Variants in TET2 observed in about 807,000 individuals in gnomAD.
The protein encoded by TET2 is tet methylcytosine dioxygenase 2.
A neutral mutation model predicts 142.9 loss-of-function variants in TET2; 299 were observed. The observed-to-expected ratio is 2.09, with a 90% CI of 1.90 to 2.30. The LOEUF (loss-of-function observed/expected upper bound fraction) is 2.30, where lower values mean the gene tolerates loss of function less well. Ranked by LOEUF, TET2 falls within the 30% of genes most tolerant of loss-of-function variation. The pLI is 0.00. For missense variants in TET2, 2,418 were observed against 2,378.0 expected, an observed-to-expected ratio of 1.02 and a Z score of -0.35; for synonymous variants, 819 against 849.0, an observed-to-expected ratio of 0.96 and a Z score of 0.61.
At chr4:105,254,839 CT>C (rs1730044156) in intron 6 of TET2, among the ~76,000 whole-genome samples, 1 of 152,166 alleles carries the variant, frequency 6.6e-6, no homozygotes, top group African/African-American at 2.4e-5. Flanking sequence ...CATCTGGCTC[CT>C]GAATGTAGAA....
chr4:105,225,059 TA>T lies in TET2; in HGVS notation c.-46-8831del, dbSNP rs1728100452. 3.9e-5 allele frequency among the ~76,000 whole-genome samples: 6 copies of T among 152,198 alleles called. No homozygotes were observed. In the South Asian group the frequency reaches 1.2e-3, roughly 32 times the overall value. On this transcript the variant is annotated intron_variant, in intron 2 of 10. Transcript: ENST00000380013. ...ATTTCTAAAACTGCCTTTTTAGACT[TA>T]AAAAAATACCAAAGTTCTTATAACT...
chr4:105,233,851 T>A (rs867181996), intron 2 of TET2, 46 bp from the exon 3 acceptor site: 2 of 767,298 alleles, frequency 2.6e-6, no homozygotes, highest in Non-Finnish European at 4.1e-6. Flanking sequence ...GATAGATAGA[T>A]AGATAGAAAT....
At chr4:105,169,521 C>T (rs1197579966) in intron 1 of TET2, among the ~76,000 whole-genome samples, 1 of 152,158 alleles carries the variant, frequency 6.6e-6, no homozygotes, top group South Asian at 2.1e-4. Context: ...TTCTCCCACT[C>T]TGTGGGTTGT....
intron 2 of TET2, among the ~76,000 whole-genome samples, chr4:105,199,200 T>A (rs1412525615): frequency 6.6e-6 from 1 of 152,206 alleles, no homozygotes; most frequent in Non-Finnish European, 1.5e-5. Context: ...TAAAGTTTGG[T>A]GTTTGGTATC....
intron 2 of TET2, among the ~76,000 whole-genome samples, chr4:105,220,300 A>G (rs963849970): frequency 2.5e-4 from 38 of 152,088 alleles, no homozygotes; most frequent in African/African-American, 8.5e-4. Context: ...TGCCCCTCAT[A>G]TATACTATTA....
chr4:105,159,409 C>T (rs993164715), intron 1 of TET2, among the ~76,000 whole-genome samples: 7 of 152,034 alleles, frequency 4.6e-5, no homozygotes, highest in African/African-American at 1.7e-4. Context: ...GCATGCGCCA[C>T]CACGCCCGGC....
intron 1 of TET2, among the ~76,000 whole-genome samples, chr4:105,177,138 C>T (rs778805017): frequency 1.3e-5 from 2 of 152,144 alleles, no homozygotes; most frequent in Non-Finnish European, 2.9e-5. Context: ...TAACTTGAAT[C>T]ATAGACCTAA....
rs75813247 is a variant in TET2, at chr4:105,153,002, T to A, written c.-193+6023T>A. 1.0e-3 allele frequency among the ~76,000 whole-genome samples: 158 copies of A among 152,342 alleles called. 1 individual carries two copies. Among genetic ancestry groups the A allele is most frequent in the African/African-American group, 3.4e-3 (142 of 41,574 alleles). On this transcript the variant is annotated intron_variant, in intron 1 of 10. Transcript: ENST00000380013. The stretch of plus-strand genomic sequence containing the variant: ...TTCCTTACATTTAATTTCTACAGGC[T>A]ATGGCAATTGCCCTATAAAAGCCAC...
intron 2 of TET2, among the ~76,000 whole-genome samples, chr4:105,204,684 T>A (rs1159739221): frequency 6.6e-6 from 1 of 152,194 alleles, no homozygotes; most frequent in Non-Finnish European, 1.5e-5. Context: ...TGTCTCCTCT[T>A]GAGATGACTT....
intron 1 of TET2, among the ~76,000 whole-genome samples, chr4:105,159,341 C>T (rs1231007577): frequency 2.6e-5 from 4 of 151,252 alleles, no homozygotes; most frequent in Admixed American, 6.6e-5. Context: ...CTGCAACCTC[C>T]GCCTCACCGG....
In TET2 at chr4:105,275,920, C is replaced by G. The variant is rs370069183; in HGVS notation, c.5410C>G (p.Leu1804Val). 1.9e-6 allele frequency: 3 copies of G among 1,552,034 alleles called. No individual in the cohort carries two copies. The highest frequency in any genetic ancestry group is 2.6e-6 in the Non-Finnish European group (3 of 1,147,046). The stretch of plus-strand genomic sequence containing the variant: ...TGGGTTATCAAAGATGCTTCCAGCT[C>G]TTAACCATGATAGAACTGCTTGTGT... ...ANGLSKMLPA[L>V]NHDRTACVQG... Residue 1804 changes from leucine (L) to valine (V), a missense_variant, in exon 11 of 11, where the codon CTT (leucine) becomes GTT (valine). Transcript: ENST00000380013.
At chr4:105,168,152 A>G (rs1289198695) in intron 1 of TET2, among the ~76,000 whole-genome samples, 2 of 152,184 alleles carry the variant, frequency 1.3e-5, no homozygotes, top group African/African-American at 4.8e-5. Flanking sequence ...TTACCCAAAC[A>G]AAAATTCAAG....
intron 2 of TET2, among the ~76,000 whole-genome samples, chr4:105,197,297 T>A (rs1247301572): frequency 6.6e-6 from 1 of 152,204 alleles, no homozygotes; most frequent in African/African-American, 2.4e-5. Context: ...TGAATGATAT[T>A]TGATGTCTAT....
intron 6 of TET2, among the ~76,000 whole-genome samples, chr4:105,247,252 C>T (rs968223255): frequency 6.6e-6 from 1 of 152,148 alleles, no homozygotes; most frequent in Non-Finnish European, 1.5e-5. Flanking sequence ...TACCTGTTAA[C>T]ATTTCAGGAT....
intron 10 of TET2, among the ~76,000 whole-genome samples, chr4:105,274,762 G>A (rs1257711402): frequency 6.6e-6 from 1 of 152,140 alleles, no homozygotes; most frequent in East Asian, 1.9e-4. Context: ...GGCACTTCAA[G>A]CAGAGGCATG....
chr4:105,263,961 A>T (rs925771415), intron 8 of TET2, among the ~76,000 whole-genome samples: 1 of 152,210 alleles, frequency 6.6e-6, no homozygotes, highest in African/African-American at 2.4e-5. Flanking sequence ...GGGCTCTGGG[A>T]TGGGTGCTCT....
In TET2 at chr4:105,234,909, C is replaced by T. The variant is rs1244473694; in HGVS notation, c.967C>T (p.Gln323Ter). The change falls in exon 3 of 11, where the codon CAA (glutamine) becomes TAA (stop). Residue 323 changes from glutamine (Q) to a stop codon, truncating the protein, a stop_gained. Coordinates refer to ENST00000380013, the MANE Select transcript of TET2 (RefSeq NM_001127208.3). LOFTEE classifies it high-confidence loss of function. Reference sequence around the variant, plus strand: ...TTCCTTTCAGAAACCAGAACAACTACAACAACAAAAATCAGTTTTTGAGAT... The same window carrying T: ...TTCCTTTCAGAAACCAGAACAACTATAACAACAAAAATCAGTTTTTGAGAT... ...TCSFQKPEQL[Q>*]QQKSVFEICP... 1 of 1,614,070 alleles carries T rather than the reference C, an allele frequency of 6.2e-7. No individual in the cohort carries two copies. The highest frequency in any genetic ancestry group is 8.5e-7 in the Non-Finnish European group (1 of 1,179,982).
At chr4:105,180,098 C>T (rs1198798238) in intron 1 of TET2, among the ~76,000 whole-genome samples, 2 of 152,140 alleles carry the variant, frequency 1.3e-5, no homozygotes, top group African/African-American at 4.8e-5. Flanking sequence ...ATGACACTTT[C>T]ACATCTTCAA....
chr4:105,275,692 G>T lies in TET2; in HGVS notation c.5182G>T (p.Glu1728Ter). The T allele has an allele frequency of 6.4e-7, 1 of 1,551,840 alleles. No homozygotes were observed. The highest frequency in any genetic ancestry group is 8.7e-7 in the Non-Finnish European group (1 of 1,147,006). ...GAAATTGCCTCCTTATCCCACTCAT[G>T]AGATGGATGGCCACTTCATGGGAGC... is the stretch of plus-strand genomic sequence containing the variant. ...VGKLPPYPTH[E>*]MDGHFMGATS... Residue 1728 changes from glutamate to a stop codon, truncating the protein, a stop_gained, in exon 11 of 11, where the codon GAG becomes TAG. Transcript: ENST00000380013. LOFTEE classifies it low-confidence loss of function (END_TRUNC).
Sources: gnomAD v4.1 joint callset for allele counts (sites outside exome capture counted in the v4.1 genomes callset) on GRCh38, gnomAD v4.1.1 for gene constraint, MANE v1.5 for transcripts, NCBI Gene and HGNC (gene_info 2026-07-23, HGNC 2026-07-21) for gene names.